The following EXOC5 variants were observed in gnomAD, a reference collection of about 807,000 sequenced individuals.
EXOC5 encodes SEC10-like 1.
A neutral mutation model predicts 90.8 loss-of-function variants in EXOC5; 17 were observed. That is an observed-to-expected ratio of 0.19 (90% CI 0.13 to 0.28). The LOEUF is 0.28. Among genes scored for constraint, EXOC5 ranks in the 10% least tolerant of loss-of-function variants. The pLI, the probability that EXOC5 is intolerant of heterozygous loss-of-function variation, is 1.00. For missense variants in EXOC5, 569 were observed against 830.6 expected, an observed-to-expected ratio of 0.69 and a Z score of 3.87; for synonymous variants, 260 against 270.0, an observed-to-expected ratio of 0.96 and a Z score of 0.36.
At chr14:57,263,970 T>G (rs1438510100) in intron 1 of EXOC5, among the ~76,000 whole-genome samples, 1 of 152,124 alleles carries the variant, frequency 6.6e-6, no homozygotes, top group Non-Finnish European at 1.5e-5. Flanking sequence ...AATTTCTATA[T>G]GCCATTACTA....
chr14:57,268,784 C>G lies in EXOC5; in HGVS notation c.-136G>C, dbSNP rs1008149668. 23 of 1,432,152 alleles carry G rather than the reference C, an allele frequency of 1.6e-5. No individual in the cohort carries two copies. The highest frequency in any genetic ancestry group is 1.6e-5 in the Non-Finnish European group (18 of 1,099,978). The allele number at this position is 1,432,152 out of a possible 1,614,324, so 88.7% of individuals were successfully genotyped here. On this transcript the variant is annotated 5_prime_UTR_variant, in exon 1 of 18. Transcript: ENST00000621441. ...GGCCGCTGCGGGCTCCCCAGCTCCC[C>G]ACAGATCCCAGGAGGGGCGGGAGAG...
intron 14 of EXOC5, 88 bp from the exon 15 acceptor site, chr14:57,218,156 T>A: frequency 1.6e-6 from 1 of 620,754 alleles, no homozygotes; most frequent in Non-Finnish European, 2.9e-6. Context: ...TATTACATTA[T>A]ATACATTTAT....
intron 4 of EXOC5, among the ~76,000 whole-genome samples, chr14:57,240,576 C>A (rs540748389): frequency 6.6e-6 from 1 of 152,096 alleles, no homozygotes; most frequent in East Asian, 1.9e-4. Context: ...GCCACCGAGC[C>A]CAGCCAGAAA....
chr14:57,243,777 A>G (rs1411812661), intron 4 of EXOC5: 1 of 157,172 alleles, frequency 6.4e-6, no homozygotes, highest in Non-Finnish European at 1.4e-5. Context: ...CTTTACAGAA[A>G]AGCATCTCAG....
At chr14:57,229,356 T>C (rs1444216761) in intron 12 of EXOC5, among the ~76,000 whole-genome samples, 1 of 152,112 alleles carries the variant, frequency 6.6e-6, no homozygotes, top group Non-Finnish European at 1.5e-5. Flanking sequence ...TCTCTAACTG[T>C]AAGTTCTGTA....
intron 1 of EXOC5, among the ~76,000 whole-genome samples, chr14:57,256,772 T>C (rs776428385): frequency 1.8e-4 from 28 of 152,154 alleles, no homozygotes; most frequent in Non-Finnish European, 3.2e-4. Flanking sequence ...CCATACCCAA[T>C]GACTGATTAA....
At chr14:57,234,420 C>A (rs1883588189) in intron 7 of EXOC5, among the ~76,000 whole-genome samples, 1 of 150,402 alleles carries the variant, frequency 6.6e-6, no homozygotes, top group South Asian at 2.1e-4. Context: ...CACAGAGAGT[C>A]AAGGTCTTGG....
chr14:57,264,228 A>G (rs1884602312), intron 1 of EXOC5, among the ~76,000 whole-genome samples: 1 of 152,246 alleles, frequency 6.6e-6, no homozygotes, highest in Non-Finnish European at 1.5e-5. Flanking sequence ...TAAAATAAAT[A>G]GCATTTCAGC....
chr14:57,265,257 G>A (rs1216805234), intron 1 of EXOC5, among the ~76,000 whole-genome samples: 1 of 151,478 alleles, frequency 6.6e-6, no homozygotes, highest in Non-Finnish European at 1.5e-5. Context: ...ACAAATATCT[G>A]TAGAATGAAT....
intron 13 of EXOC5, 137 bp from the exon 14 acceptor site, chr14:57,219,579 C>A: frequency 1.5e-6 from 1 of 681,438 alleles, no homozygotes; most frequent in Admixed American, 3.5e-5. Flanking sequence ...ATAATGACTT[C>A]TGTGGACAGA....
chr14:57,257,625 C>T (rs960892080), intron 1 of EXOC5, among the ~76,000 whole-genome samples: 1 of 151,612 alleles, frequency 6.6e-6, no homozygotes, highest in Admixed American at 6.6e-5. Context: ...CAAGGGTTTA[C>T]GAGAAGTCAG....
Position 57,206,039 on chromosome 14 carries a change from A to G in EXOC5, c.*2570T>C, listed in dbSNP as rs1294027416. 1 of 453,102 alleles carries G rather than the reference A, an allele frequency of 2.2e-6. No individual in the cohort carries two copies. The highest frequency in any genetic ancestry group is 4.4e-6 in the Non-Finnish European group (1 of 225,856). 28.1% of individuals were successfully genotyped at this position (453,102 alleles called of 1,614,324 possible). A position where few individuals can be genotyped will look rare whatever the true frequency, so the allele number is the denominator to read the frequency against. On this transcript the variant is annotated 3_prime_UTR_variant, in exon 18 of 18. Transcript: ENST00000621441. ...GGTAGGCTTCCTTTATTAAATTCGT[A>G]TTCTGTATTTCAGATATTTCTCAAT... is the stretch of plus-strand genomic sequence containing the variant.
chr14:57,249,430 T>C (rs1038240768), intron 1 of EXOC5, among the ~76,000 whole-genome samples: 2 of 130,196 alleles, frequency 1.5e-5, no homozygotes, highest in African/African-American at 9.6e-5. Context: ...TCAATTTTAA[T>C]ATATTTTTAT....
intron 1 of EXOC5, among the ~76,000 whole-genome samples, chr14:57,268,023 T>C (rs1356813157): frequency 6.6e-6 from 1 of 152,080 alleles, no homozygotes; most frequent in African/African-American, 2.4e-5. Context: ...CCCTTCAGTC[T>C]ATCTCTCTTC....
rs1224984558 is a variant in EXOC5, at chr14:57,202,937, G to C, written c.*5672C>G. On this transcript the variant is annotated 3_prime_UTR_variant, in exon 18 of 18. Transcript: ENST00000621441. The stretch of plus-strand genomic sequence containing the variant: ...ACATTCTACTGGAGAACTTAAGAGA[G>C]GCACTTAGGTATTATTCCTTATAAA... The C allele has an allele frequency of 6.6e-6, 1 of 152,112 alleles. No homozygotes were observed. The highest frequency in any genetic ancestry group is 1.5e-5 in the Non-Finnish European group (1 of 68,026). The allele number at this position is 152,112 out of a possible 1,614,324, so 9.4% of individuals were successfully genotyped here.
At chr14:57,212,984 CT>C (rs1882872394) in intron 15 of EXOC5, among the ~76,000 whole-genome samples, 1 of 152,138 alleles carries the variant, frequency 6.6e-6, no homozygotes, top group African/African-American at 2.4e-5. Flanking sequence ...CACAGAGTTT[CT>C]CCTTCTGTTT....
At chr14:57,244,484 T>C (rs1220035261) in intron 3 of EXOC5, 125 bp from the exon 4 acceptor site, 9 of 703,308 alleles carry the variant, frequency 1.3e-5, no homozygotes, top group Admixed American at 1.1e-4. Context: ...ACAAAATTCA[T>C]GCTCATTAGT....
intron 1 of EXOC5, 131 bp downstream of exon 1, chr14:57,268,491 A>G: frequency 1.3e-6 from 2 of 1,519,250 alleles, no homozygotes; most frequent in Non-Finnish European, 1.8e-6. Context: ...TGCCACCCCA[A>G]CCCTTCTGTT....
chr14:57,261,173 T>C (rs1051965153), intron 1 of EXOC5, among the ~76,000 whole-genome samples: 5 of 152,222 alleles, frequency 3.3e-5, no homozygotes, highest in Admixed American at 2.0e-4. Context: ...ACTAGAACTT[T>C]CGTTTAATTT....
Sources: allele counts gnomAD v4.1 joint callset (sites outside exome capture counted in the v4.1 genomes callset), GRCh38; gene constraint gnomAD v4.1.1; transcripts MANE v1.5; gene names NCBI Gene and HGNC (gene_info 2026-07-23, HGNC 2026-07-21).